MTCL3: variants seen among roughly 807,000 people sequenced by gnomAD.
The protein encoded by MTCL3 is MTCL family member 3.
the MTCL3 span, among the ~76,000 whole-genome samples, chr6:127,508,973 G>T: frequency 6.6e-6 from 1 of 152,124 alleles, no homozygotes; most frequent in Non-Finnish European, 1.5e-5. Flanking sequence ...TGTGTATGAC[G>T]TTCAAAGAGC....
the MTCL3 span, chr6:127,516,096 T>C: frequency 5.4e-6 from 8 of 1,479,460 alleles, no homozygotes; most frequent in African/African-American, 1.0e-4. Flanking sequence ...CGGCTCCTCC[T>C]CCTTCCCCGC....
chr6:127,474,659 C>G, the MTCL3 span, among the ~76,000 whole-genome samples: 3 of 152,098 alleles, frequency 2.0e-5, no homozygotes, highest in Admixed American at 6.5e-5. Flanking sequence ...TTCACTGCAG[C>G]CTCGACCTGC....
the MTCL3 span, among the ~76,000 whole-genome samples, chr6:127,480,781 C>A: frequency 6.6e-6 from 1 of 152,134 alleles, no homozygotes; most frequent in Non-Finnish European, 1.5e-5. Context: ...CGATGGTTTG[C>A]AACCTTGACT....
the MTCL3 span, among the ~76,000 whole-genome samples, chr6:127,510,316 C>G: frequency 6.6e-6 from 1 of 152,156 alleles, no homozygotes; most frequent in Non-Finnish European, 1.5e-5. Flanking sequence ...AGCATTCTCC[C>G]AACCCAGAAA....
chr6:127,510,724 G>A, the MTCL3 span, among the ~76,000 whole-genome samples: 5 of 152,180 alleles, frequency 3.3e-5, no homozygotes, highest in East Asian at 3.9e-4. Flanking sequence ...CACAAGTAAC[G>A]TATGAATAGG....
At chr6:127,475,402 T>C in the MTCL3 span, 35 of 1,613,190 alleles carry the variant, frequency 2.2e-5, no homozygotes, top group African/African-American at 2.7e-5. This position sits in a 1 kb window ranked among gnomAD's most constrained non-coding sequence, Gnocchi z 7.3. Context: ...CATCTGAGCG[T>C]TGATGCGGTA....
At chr6:127,493,973 G>T in the MTCL3 span, among the ~76,000 whole-genome samples, 1 of 152,148 alleles carries the variant, frequency 6.6e-6, no homozygotes, top group African/African-American at 2.4e-5. Context: ...TCAATTTGTA[G>T]AGCATACCCT....
the MTCL3 span, among the ~76,000 whole-genome samples, chr6:127,501,262 T>G: frequency 3.3e-4 from 50 of 152,246 alleles, no homozygotes; most frequent in Non-Finnish European, 8.8e-5. Context: ...AATTTAAACT[T>G]AGCCATACCG....
At chr6:127,478,673 G>A in the MTCL3 span, among the ~76,000 whole-genome samples, 1 of 152,046 alleles carries the variant, frequency 6.6e-6, no homozygotes, top group Non-Finnish European at 1.5e-5. Context: ...AGAGGTGATG[G>A]TTGAACCTAT....
At chr6:127,490,709 C>T in the MTCL3 span, among the ~76,000 whole-genome samples, 3 of 151,908 alleles carry the variant, frequency 2.0e-5, no homozygotes, top group African/African-American at 4.8e-5. Flanking sequence ...CCCAGCTACT[C>T]GGGAGGCTAA....
chr6:127,489,945 C>T, the MTCL3 span, among the ~76,000 whole-genome samples: 8 of 152,192 alleles, frequency 5.3e-5, no homozygotes, highest in Non-Finnish European at 1.0e-4. Context: ...ATAAAACAGC[C>T]TTCTATTGGA....
chr6:127,497,232 T>C, the MTCL3 span, among the ~76,000 whole-genome samples: 1 of 152,296 alleles, frequency 6.6e-6, no homozygotes, highest in Non-Finnish European at 1.5e-5. Flanking sequence ...AGCTAAAACT[T>C]CTGCACCCCA....
chr6:127,482,992 A>G, the MTCL3 span: 17 of 1,597,820 alleles, frequency 1.1e-5, no homozygotes, highest in Non-Finnish European at 3.4e-6. This position sits in a 1 kb window ranked among gnomAD's most constrained non-coding sequence, Gnocchi z 4.1. Flanking sequence ...TAACTGAAAC[A>G]AAGCATGAAT....
the MTCL3 span, among the ~76,000 whole-genome samples, chr6:127,483,732 G>A: frequency 2.0e-5 from 3 of 152,148 alleles, no homozygotes; most frequent in African/African-American, 2.4e-5. Context: ...AAGGACAAGC[G>A]TAATATGATC....
the MTCL3 span, chr6:127,516,617 C>G: frequency 6.3e-7 from 1 of 1,595,444 alleles, no homozygotes. Context: ...TGACTCATGG[C>G]TATGAACCTA....
the MTCL3 span, among the ~76,000 whole-genome samples, chr6:127,512,239 C>T: frequency 6.6e-6 from 1 of 152,038 alleles, no homozygotes; most frequent in South Asian, 2.1e-4. Flanking sequence ...GAGAACTTTA[C>T]TCTTCTACCC....
chr6:127,488,754 A>T, the MTCL3 span, among the ~76,000 whole-genome samples: 1 of 152,258 alleles, frequency 6.6e-6, no homozygotes. Context: ...AAAAGTATTT[A>T]AAACAGGACA....
the MTCL3 span, among the ~76,000 whole-genome samples, chr6:127,481,670 T>C: frequency 6.6e-6 from 1 of 152,290 alleles, no homozygotes; most frequent in South Asian, 2.1e-4. Context: ...TACAGTACCA[T>C]AGATTCCAAC....
At chr6:127,501,382 A>C in the MTCL3 span, among the ~76,000 whole-genome samples, 1 of 152,164 alleles carries the variant, frequency 6.6e-6, no homozygotes, top group African/African-American at 2.4e-5. Flanking sequence ...GTTCTATGAA[A>C]ATTTTTCTTT....
Sources: allele counts gnomAD v4.1 joint callset (sites outside exome capture counted in the v4.1 genomes callset), GRCh38; gene constraint gnomAD v4.1.1; non-coding constraint Gnocchi (gnomAD v3.1); transcripts MANE v1.5; gene names NCBI Gene and HGNC (gene_info 2026-07-23, HGNC 2026-07-21).